The following KCTD1 variants were observed in gnomAD, a reference collection of about 807,000 sequenced individuals.
The protein encoded by KCTD1 is BTB/POZ domain-containing protein KCTD1.
KCTD1 carries 24 observed loss-of-function variants against 66.0 expected under a neutral mutation model. The observed-to-expected ratio is 0.36, with a 90% CI of 0.26 to 0.51. KCTD1 has a LOEUF of 0.51. Ranked by LOEUF, KCTD1 falls within the 20% of genes least tolerant of loss-of-function variation. KCTD1 has a pLI of 0.95. For missense variants in KCTD1, 943 were observed against 1,205.2 expected (o/e 0.78, Z 3.22); for synonymous variants, 511 against 517.2 (o/e 0.99, Z 0.16).
intron 1 of KCTD1, among the ~76,000 whole-genome samples, chr18:26,597,672 T>A (rs892716947): frequency 1.2e-4 from 18 of 150,842 alleles, no homozygotes; most frequent in Middle Eastern, 6.8e-3. Context: ...TTTTTTTTTT[T>A]TTTTGGAGTC....
chr18:26,465,077 C>G (rs1389934943), intron 3 of KCTD1, among the ~76,000 whole-genome samples: 2 of 152,044 alleles, frequency 1.3e-5, no homozygotes, highest in Non-Finnish European at 2.9e-5. Flanking sequence ...TGTAATACTC[C>G]TTTGGGCTGG....
At position 26,607,041 on chromosome 18, in the gene KCTD1, T is replaced by C. The variant is rs527254019; in HGVS notation, c.-16+22106A>G. ...CAGATCTAGCTGCTTTCTTTCTTTT[T>C]TATTTTTTTATGAGACAGGGTCTTG... On this transcript the variant is annotated intron_variant, in intron 1 of 4. Transcript: ENST00000317932. Among the ~76,000 whole-genome samples the C allele has an allele frequency of 4.6e-5, 7 of 152,314 alleles. No individual in the cohort carries two copies. In the East Asian group the frequency reaches 1.4e-3, roughly 29 times the overall value.
intron 1 of KCTD1, among the ~76,000 whole-genome samples, chr18:26,506,954 T>C (rs1983070819): frequency 6.6e-6 from 1 of 152,146 alleles, no homozygotes; most frequent in Non-Finnish European, 1.5e-5. Context: ...TCACCTGAGG[T>C]CAGGAGTTTG....
intron 1 of KCTD1, among the ~76,000 whole-genome samples, chr18:26,541,654 G>C (rs1984979484): frequency 6.6e-6 from 1 of 152,210 alleles, no homozygotes; most frequent in Non-Finnish European, 1.5e-5. Flanking sequence ...TGAAAACCCA[G>C]AACATGCCTC....
chr18:26,642,546 G>A (rs928362364), upstream of KCTD1, among the ~76,000 whole-genome samples: 6 of 152,156 alleles, frequency 3.9e-5, no homozygotes, highest in Non-Finnish European at 7.4e-5. Context: ...AACCAACAGT[G>A]TTGATGTTGA....
intron 1 of KCTD1, chr18:26,543,477 T>G (rs1985069772): frequency 6.6e-6 from 1 of 152,250 alleles, no homozygotes. Context: ...GTAGATACAT[T>G]AAATATTCCT....
At chr18:26,599,027 T>C (rs1422944644) in intron 1 of KCTD1, among the ~76,000 whole-genome samples, 1 of 152,224 alleles carries the variant, frequency 6.6e-6, no homozygotes, top group Non-Finnish European at 1.5e-5. Flanking sequence ...TTTTTTCTTT[T>C]GTTACTTGTG....
intron 1 of KCTD1, among the ~76,000 whole-genome samples, chr18:26,539,466 G>A (rs541623207): frequency 6.6e-6 from 1 of 152,268 alleles, no homozygotes; most frequent in Non-Finnish European, 1.5e-5. Context: ...TTGCTGGTTG[G>A]TGGACCACTT....
intron 1 of KCTD1, among the ~76,000 whole-genome samples, chr18:26,509,401 A>G (rs900274481): frequency 6.6e-6 from 1 of 151,974 alleles, no homozygotes; most frequent in Non-Finnish European, 1.5e-5. Flanking sequence ...AATTTTTTTT[A>G]ATTTTATTTT....
intron 1 of KCTD1, among the ~76,000 whole-genome samples, chr18:26,532,257 CCTTCTTTTTTT>C (rs779740488): frequency 0.052 from 6,646 of 128,154 alleles, 338 homozygotes; most frequent in African/African-American, 0.06. Flanking sequence ...TCTTTTCTTT[CCTTCTTTTTTT>C]TTTTTTTTTT....
intron 1 of KCTD1, among the ~76,000 whole-genome samples, chr18:26,652,830 C>G (rs1216872649): frequency 6.6e-6 from 1 of 152,164 alleles, no homozygotes. Flanking sequence ...CTTAATCTGG[C>G]TATTAGAAAT....
chr18:26,643,153 G>T (rs1035965898), upstream of KCTD1, among the ~76,000 whole-genome samples: 1 of 152,256 alleles, frequency 6.6e-6, no homozygotes, highest in Admixed American at 6.5e-5. Context: ...TCTCTCTCTG[G>T]CTCGCCGACA....
At chr18:26,594,811 G>A (rs995533540) in intron 1 of KCTD1, among the ~76,000 whole-genome samples, 5 of 152,118 alleles carry the variant, frequency 3.3e-5, no homozygotes, top group East Asian at 1.9e-4. Context: ...TTAGAGAAAC[G>A]ATTGAGGCCC....
intron 1 of KCTD1, among the ~76,000 whole-genome samples, chr18:26,563,218 A>AG (rs34084835): frequency 5.9e-5 from 9 of 152,202 alleles, no homozygotes; most frequent in African/African-American, 2.2e-4. Context: ...CACCACCCAC[A>AG]GGAGAGTGGG....
intron 1 of KCTD1, among the ~76,000 whole-genome samples, chr18:26,513,249 G>A (rs1280994833): frequency 6.6e-6 from 1 of 151,896 alleles, no homozygotes; most frequent in East Asian, 2.0e-4. Flanking sequence ...AACCACGCCG[G>A]GCTAATTTTT....
At chr18:26,600,233 G>A in intron 1 of KCTD1, 3 of 1,605,970 alleles carry the variant, frequency 1.9e-6, no homozygotes, top group East Asian at 2.2e-5. Context: ...TGTGGAAACT[G>A]CTACCTGGGT....
chr18:26,463,794 C>T (rs1980573375), intron 3 of KCTD1, among the ~76,000 whole-genome samples: 1 of 152,152 alleles, frequency 6.6e-6, no homozygotes, highest in African/African-American at 2.4e-5. Context: ...GCCTCAGCCT[C>T]CTGAAATGCC....
chr18:26,474,263 ACTTT>A (rs1281202309), intron 3 of KCTD1, among the ~76,000 whole-genome samples: 2 of 152,222 alleles, frequency 1.3e-5, no homozygotes, highest in Non-Finnish European at 2.9e-5. Context: ...CTGCCAATGA[ACTTT>A]CTTTTTTAGA....
At chr18:26,652,599 TAGTC>T (rs1988057083) in intron 1 of KCTD1, among the ~76,000 whole-genome samples, 2 of 152,258 alleles carry the variant, frequency 1.3e-5, no homozygotes, top group South Asian at 2.1e-4. Flanking sequence ...AATTCCAACT[TAGTC>T]AGACTTGGAT....
Sources: gnomAD v4.1 joint callset for allele counts (sites outside exome capture counted in the v4.1 genomes callset) on GRCh38, gnomAD v4.1.1 for gene constraint, MANE v1.5 for transcripts, NCBI Gene and HGNC (gene_info 2026-07-23, HGNC 2026-07-21) for gene names.